Variants in CD300A observed in about 807,000 individuals in gnomAD.
The protein encoded by CD300A is CD300a molecule, also known as CMRF35-like molecule 8.
CD300A carries 22 observed loss-of-function variants against 33.6 expected under a neutral mutation model. That is an observed-to-expected ratio of 0.66 (90% CI 0.47 to 0.94). CD300A has a LOEUF of 0.94. Among genes scored for constraint, CD300A ranks in the 40% least tolerant of loss-of-function variants. The probability of loss-of-function intolerance (pLI) is 0.00; values close to 1 mark genes in which losing one functional copy is unlikely to be tolerated. For synonymous variants in CD300A, 136 were observed against 148.1 expected (o/e 0.92, Z 0.59); for missense variants, 326 against 360.5 (o/e 0.90, Z 0.77).
intron 1 of CD300A, chr17:74,470,147 A>T: frequency 1.0e-6 from 1 of 985,386 alleles, no homozygotes; most frequent in Non-Finnish European, 1.2e-6. Context: ...TCTCCTGTTT[A>T]TGATTAGAGG....
At chr17:74,478,573 A>G (rs1906632420) in intron 4 of CD300A, among the ~76,000 whole-genome samples, 1 of 152,242 alleles carries the variant, frequency 6.6e-6, no homozygotes, top group Admixed American at 6.5e-5. Flanking sequence ...TGTGGCCACC[A>G]GTCCTCTAGA....
rs753704713 is a variant in CD300A at position 74,484,386 on chromosome 17, T to G, written c.*260T>G. ...CTGTCACCTCTTTCCCCTTTGCCCC[T>G]GCTTCATCCCAGCTCTGTGTGTGGA... On this transcript the variant is annotated 3_prime_UTR_variant, in exon 7 of 7. Coordinates refer to ENST00000360141, the MANE Select transcript of CD300A (RefSeq NM_007261.4). The G allele has an allele frequency of 1.7e-5, 6 of 353,654 alleles. No homozygotes were observed. The highest frequency in any genetic ancestry group is 7.9e-5 in the Admixed American group (2 of 25,294). The allele number at this position is 353,654 out of a possible 1,614,324, so 21.9% of individuals were successfully genotyped here. A position where few individuals can be genotyped will look rare whatever the true frequency, so the allele number is the denominator to read the frequency against.
In CD300A at chr17:74,470,658, A is replaced by T. The variant is rs562313475; in HGVS notation, c.41-2878A>T. Among the ~76,000 whole-genome samples, 384 of 151,678 alleles carry T rather than the reference A, an allele frequency of 2.5e-3. 1 individual carries two copies. The highest frequency in any genetic ancestry group is 8.9e-3 in the African/African-American group (367 of 41,342). Reference sequence around the variant, plus strand: ...GGCTGGGAACTGACAGTTTTTATTTATTTTTTTTGAGATAGAGTCTCACTC... The same window carrying T: ...GGCTGGGAACTGACAGTTTTTATTTTTTTTTTTTGAGATAGAGTCTCACTC... On this transcript the variant is annotated intron_variant, in intron 1 of 6. Coordinates refer to ENST00000360141, the MANE Select transcript of CD300A (RefSeq NM_007261.4).
intron 1 of CD300A, among the ~76,000 whole-genome samples, chr17:74,472,130 C>A: frequency 6.6e-6 from 1 of 151,288 alleles, no homozygotes; most frequent in Non-Finnish European, 1.5e-5. Flanking sequence ...CCTAGCTACT[C>A]GGTAGGCTGA....
In CD300A at chr17:74,473,532, C is replaced by G. The variant is rs1321347121; in HGVS notation, c.41-4C>G. ...GAGCTGGGACTCTGGCTTGTGTTTT[C>G]CAGGATGTTTTGCTCTGAGCAAATG... On this transcript the variant is annotated splice_polypyrimidine_tract_variant and splice_region_variant and intron_variant, in intron 1 of 6. Transcript: ENST00000360141. The G allele has an allele frequency of 1.2e-6, 2 of 1,607,432 alleles. No individual in the cohort carries two copies. Among genetic ancestry groups the G allele is most frequent in the Non-Finnish European group, 1.7e-6 (2 of 1,175,502 alleles).
At chr17:74,472,162 C>T (rs1465320693) in intron 1 of CD300A, among the ~76,000 whole-genome samples, 2 of 150,692 alleles carry the variant, frequency 1.3e-5, no homozygotes, top group Non-Finnish European at 2.9e-5. Context: ...CGCTTGAACC[C>T]GGGAGGCAGA....
rs1906756853 is a variant in CD300A, at chr17:74,480,382, G to A, written c.629-907G>A. Among the ~76,000 whole-genome samples, 1 of 152,172 alleles carries A rather than the reference G, an allele frequency of 6.6e-6. No homozygotes were observed. The highest frequency in any genetic ancestry group is 2.4e-5 in the African/African-American group (1 of 41,438). ...GTGTGTGTCACCCGCTGCCCACGTG[G>A]TCCGGGCTCCTGGGGTGAAAGGGTT... is the stretch of plus-strand genomic sequence containing the variant. On this transcript the variant is annotated intron_variant, in intron 4 of 6. Coordinates refer to ENST00000360141, the MANE Select transcript of CD300A (RefSeq NM_007261.4). The surrounding 1 kb of genome is among the most constrained non-coding windows in gnomAD (Gnocchi z 4.2).
rs2144548804 is a variant in CD300A at position 74,483,985 on chromosome 17, T to C, written c.775-16T>C. Reference sequence around the variant, plus strand: ...TGCCTCTCCCAAGTCTTCAGTTTCTTGGTTTCTCTCTGCAGGCCTCCCCCA... The same window carrying C: ...TGCCTCTCCCAAGTCTTCAGTTTCTCGGTTTCTCTCTGCAGGCCTCCCCCA... On this transcript the variant is annotated splice_polypyrimidine_tract_variant and intron_variant, in intron 6 of 6. Coordinates refer to ENST00000360141, the MANE Select transcript of CD300A (RefSeq NM_007261.4). 3 of 1,613,006 alleles carry C rather than the reference T, an allele frequency of 1.9e-6. No homozygotes were observed. The highest frequency in any genetic ancestry group is 2.2e-5 in the East Asian group (1 of 44,840).
At chr17:74,479,139 C>T (rs1906671197) in intron 4 of CD300A, among the ~76,000 whole-genome samples, 1 of 152,198 alleles carries the variant, frequency 6.6e-6, no homozygotes, top group African/African-American at 2.4e-5. Context: ...TCGATGATAA[C>T]TAAAAACCCC....
upstream of CD300A, chr17:74,466,501 C>G (rs1293645929): frequency 3.2e-6 from 2 of 615,490 alleles, no homozygotes; most frequent in South Asian, 2.0e-5. Context: ...GAGGACGTGC[C>G]GTTTCTAGGG....
Position 74,467,801 on chromosome 17 carries a change from C to G in CD300A, c.40+1058C>G, listed in dbSNP as rs1905823373. ...TGGGTGTTCTTCTGTTTCATAGGGT[C>G]GGTGTGCATGGGAAGGTTTCAGTTC... On this transcript the variant is annotated intron_variant, in intron 1 of 6. Transcript: ENST00000360141. Among the ~76,000 whole-genome samples, 3 of 152,214 alleles carry G rather than the reference C, an allele frequency of 2.0e-5. No individual in the cohort carries two copies. The South Asian group carries it at 6.2e-4, about 32-fold the overall frequency.
In CD300A at chr17:74,473,628, C is replaced by T. The variant is rs1906255707; in HGVS notation, c.133C>T (p.Leu45Phe). 2 of 1,614,232 alleles carry T rather than the reference C, an allele frequency of 1.2e-6. No individual in the cohort carries two copies. Among genetic ancestry groups the T allele is most frequent in the Non-Finnish European group, 1.7e-6 (2 of 1,180,046 alleles). Residue 45 changes from leucine to phenylalanine, a missense_variant, in exon 2 of 7, where the codon CTC (leucine) becomes TTC (phenylalanine). Physicochemically the swap from Leu to Phe is conservative, Grantham distance 22. Coordinates refer to ENST00000360141, the MANE Select transcript of CD300A (RefSeq NM_007261.4). ...QCPYEKEHRT[L>F]NKYWCRPPQI... ...TCCCTATGAGAAGGAACACAGGACC[C>T]TCAACAAATACTGGTGCAGACCACC...
chr17:74,470,346 C>T (rs1254068433), intron 1 of CD300A: 2 of 583,020 alleles, frequency 3.4e-6, no homozygotes, highest in Non-Finnish European at 4.3e-6. Flanking sequence ...GATTGGGTGA[C>T]AGTTTTTTAT....
At chr17:74,473,977 C>T (rs966947653) in intron 2 of CD300A, 103 bp downstream of exon 2, 32 of 1,271,066 alleles carry the variant, frequency 2.5e-5, no homozygotes, top group Admixed American at 4.5e-5. Context: ...TGTGTGTGTG[C>T]GTAAGAGAGA....
chr17:74,466,844 C>A, intron 1 of CD300A, 101 bp downstream of exon 1: 1 of 1,542,932 alleles, frequency 6.5e-7, no homozygotes, highest in Non-Finnish European at 8.7e-7. Flanking sequence ...AGTCTGGACT[C>A]CGTGCAGAAC....
chr17:74,478,770 C>T (rs1382598056), intron 4 of CD300A, among the ~76,000 whole-genome samples: 1 of 152,194 alleles, frequency 6.6e-6, no homozygotes, highest in Admixed American at 6.5e-5. Flanking sequence ...CTGCTGCATG[C>T]TTGGTGGGGG....
chr17:74,479,538 C>T (rs1232831129), intron 4 of CD300A, among the ~76,000 whole-genome samples: 1 of 152,070 alleles, frequency 6.6e-6, no homozygotes, highest in East Asian at 1.9e-4. Context: ...CATGCATCTG[C>T]GATGTCTTAA....
At position 74,484,028 on chromosome 17, in the gene CD300A, G is replaced by T; in HGVS notation, c.802G>T (p.Ala268Ser). 1 of 1,613,984 alleles carries T rather than the reference G, an allele frequency of 6.2e-7. No individual in the cohort carries two copies. Among genetic ancestry groups the T allele is most frequent in the Non-Finnish European group, 8.5e-7 (1 of 1,179,904 alleles). Reference protein sequence around the residue: ...VASPREELHYASVVFDSNTNR... With the variant: ...VASPREELHYSSVVFDSNTNR... ...CTCCCCCAGGGAAGAACTTCACTAT[G>T]CCTCGGTGGTGTTTGATTCTAACAC... The change falls in exon 7 of 7, where the codon GCC becomes TCC. Residue 268 changes from alanine (A) to serine (S), a missense_variant. By Grantham distance (99) the Ala-to-Ser change is moderately conservative. Coordinates refer to ENST00000360141, the MANE Select transcript of CD300A (RefSeq NM_007261.4).
In CD300A at chr17:74,484,405, G is replaced by A. The variant is rs754746880; in HGVS notation, c.*279G>A. ...TGCCCCTGCTTCATCCCAGCTCTGT[G>A]TGTGGAGGACAAAGCTTCTTCCTGC... is the stretch of plus-strand genomic sequence containing the variant. On this transcript the variant is annotated 3_prime_UTR_variant, in exon 7 of 7. Transcript: ENST00000360141. The A allele has an allele frequency of 1.8e-5, 5 of 285,326 alleles. No individual in the cohort carries two copies. Among genetic ancestry groups the A allele is most frequent in the African/African-American group, 2.2e-5 (1 of 46,108 alleles). The allele number at this position is 285,326 out of a possible 1,614,324, so 17.7% of individuals were successfully genotyped here.
Sources: allele counts gnomAD v4.1 joint callset (sites outside exome capture counted in the v4.1 genomes callset), GRCh38; gene constraint gnomAD v4.1.1; non-coding constraint Gnocchi (gnomAD v3.1); transcripts MANE v1.5; gene names NCBI Gene and HGNC (gene_info 2026-07-23, HGNC 2026-07-21).